The following ASIC2 variants were observed in gnomAD, a reference collection of about 807,000 sequenced individuals.
ASIC2 encodes the protein acid sensing ion channel subunit 2, also known as acid-sensing ion channel 2.
Under a neutral mutation model 57.3 loss-of-function variants are expected in ASIC2, and 25 were observed. That is an observed-to-expected ratio of 0.44 (90% CI 0.32 to 0.61). The LOEUF (loss-of-function observed/expected upper bound fraction) is 0.61, where lower values mean the gene tolerates loss of function less well. ASIC2 is among the 20% of genes least tolerant of loss of function. ASIC2 has a pLI of 0.06. For synonymous variants in ASIC2, 319 were observed against 307.5 expected, an observed-to-expected ratio of 1.04 and a Z score of -0.39; for missense variants, 641 against 738.1, an observed-to-expected ratio of 0.87 and a Z score of 1.52.
At chr17:33,046,577 C>T (rs1302257597) in intron 3 of ASIC2, among the ~76,000 whole-genome samples, 1 of 152,052 alleles carries the variant, frequency 6.6e-6, no homozygotes, top group Non-Finnish European at 1.5e-5. Flanking sequence ...CTGGCCTCTG[C>T]AGCCCGCCTG....
intron 1 of ASIC2, among the ~76,000 whole-genome samples, chr17:33,755,636 T>G (rs564421808): frequency 6.6e-6 from 1 of 152,336 alleles, no homozygotes; most frequent in South Asian, 2.1e-4. Flanking sequence ...AACACTGTGC[T>G]CTGTTTGGGA....
At chr17:33,587,239 C>G (rs2069663984) in intron 1 of ASIC2, among the ~76,000 whole-genome samples, 1 of 152,196 alleles carries the variant, frequency 6.6e-6, no homozygotes, top group African/African-American at 2.4e-5. Context: ...TGATCCTTTA[C>G]AGAAAATGTT....
chr17:33,965,886 G>C (rs1178099418), intron 1 of ASIC2, among the ~76,000 whole-genome samples: 2 of 152,194 alleles, frequency 1.3e-5, no homozygotes, highest in Admixed American at 6.5e-5. Flanking sequence ...CCAGGGAAGG[G>C]ACTAGCCCAA....
intron 1 of ASIC2, among the ~76,000 whole-genome samples, chr17:33,178,303 T>C (rs1354356769): frequency 6.6e-6 from 1 of 152,074 alleles, no homozygotes; most frequent in East Asian, 1.9e-4. Flanking sequence ...AAAATATGAC[T>C]GTCATACAAA....
chr17:33,567,776 T>G (rs1436542343), intron 1 of ASIC2, among the ~76,000 whole-genome samples: 1 of 151,976 alleles, frequency 6.6e-6, no homozygotes, highest in East Asian at 1.9e-4. Flanking sequence ...GGTCAAGAGC[T>G]GGGTTAGGAC....
intron 1 of ASIC2, among the ~76,000 whole-genome samples, chr17:33,545,935 G>T (rs1374297642): frequency 6.6e-6 from 1 of 152,014 alleles, no homozygotes; most frequent in East Asian, 1.9e-4. Flanking sequence ...CTCCAAACGT[G>T]CCTTGGACTT....
chr17:33,555,971 C>T (rs1915896188), intron 1 of ASIC2, among the ~76,000 whole-genome samples: 1 of 152,166 alleles, frequency 6.6e-6, no homozygotes, highest in Non-Finnish European at 1.5e-5. Context: ...CGAAGGCTAC[C>T]AGGAAGGATC....
intron 1 of ASIC2, among the ~76,000 whole-genome samples, chr17:33,851,342 G>A (rs921273551): frequency 1.3e-5 from 2 of 152,068 alleles, no homozygotes; most frequent in South Asian, 4.1e-4. Flanking sequence ...TAAAGACCAT[G>A]AGGCTGGGGG....
intron 3 of ASIC2, among the ~76,000 whole-genome samples, chr17:33,082,723 A>AATAC (rs1473503120): frequency 4.2e-4 from 64 of 151,406 alleles, no homozygotes; most frequent in Admixed American, 2.0e-3. Flanking sequence ...TAAATAAATA[A>AATAC]ATAAATAAAT....
intron 1 of ASIC2, among the ~76,000 whole-genome samples, chr17:33,299,570 A>C: frequency 6.6e-6 from 1 of 151,476 alleles, no homozygotes; most frequent in Non-Finnish European, 1.5e-5. Flanking sequence ...GCCTCACCTA[A>C]TTCTCTCTTT....
At chr17:34,044,552 C>A (rs1430335287) in intron 1 of ASIC2, among the ~76,000 whole-genome samples, 1 of 152,152 alleles carries the variant, frequency 6.6e-6, no homozygotes, top group Non-Finnish European at 1.5e-5. Context: ...TCAATTTCTG[C>A]AGCTTGACCC....
chr17:33,099,585 A>G (rs1228114118), intron 2 of ASIC2, among the ~76,000 whole-genome samples: 1 of 152,198 alleles, frequency 6.6e-6, no homozygotes, highest in Non-Finnish European at 1.5e-5. Flanking sequence ...GGGTAGTCTC[A>G]TTACCAAAAG....
chr17:34,131,085 C>A (rs915112370), intron 1 of ASIC2, among the ~76,000 whole-genome samples: 1 of 151,738 alleles, frequency 6.6e-6, no homozygotes, highest in South Asian at 2.1e-4. Flanking sequence ...ATAGTAGGAA[C>A]AAAGCTGAGG....
At position 34,099,158 on chromosome 17, in the gene ASIC2, GAGAGAGAAAGAAAGAAAGAAAGAAAGAA is replaced by G. The variant is rs1910686958; in HGVS notation, c.555+56792_555+56819del. The stretch of plus-strand genomic sequence containing the variant: ...AGAGAGAGAGAGACAGAGAGAGAGA[GAGAGAGAAAGAAAGAAAGAAAGAAAGAA>G]AGAAAGAAAGAAAGAAAGAAAGAAA... On this transcript the variant is annotated intron_variant, in intron 1 of 9. Transcript: ENST00000359872. Among the ~76,000 whole-genome samples, 5 of 28,888 alleles carry G rather than the reference GAGAGAGAAAGAAAGAAAGAAAGAAAGAA, an allele frequency of 1.7e-4. 1 individual carries two copies. The highest frequency in any genetic ancestry group is 6.1e-4 in the Admixed American group (1 of 1,628). 19.0% of individuals were successfully genotyped at this position (28,888 alleles called of 152,430 possible).
chr17:33,075,897 A>G (rs185168332), intron 3 of ASIC2, among the ~76,000 whole-genome samples: 1 of 152,332 alleles, frequency 6.6e-6, no homozygotes, highest in East Asian at 1.9e-4. Context: ...CAGCCCAGAA[A>G]CTGAGGGCAT....
At chr17:33,657,235 C>T (rs1907103848) in intron 1 of ASIC2, among the ~76,000 whole-genome samples, 2 of 152,330 alleles carry the variant, frequency 1.3e-5, no homozygotes, top group Admixed American at 6.5e-5. Context: ...CCAAACCCCC[C>T]ATCCTGGGCT....
intron 3 of ASIC2, among the ~76,000 whole-genome samples, chr17:33,067,783 C>T (rs1007650993): frequency 6.6e-6 from 1 of 152,150 alleles, no homozygotes; most frequent in African/African-American, 2.4e-5. Context: ...AGAAGTGAAT[C>T]CTCATGGCTA....
chr17:34,156,638 G>C lies in ASIC2; in HGVS notation c.-106C>G, dbSNP rs1904735384. ...AACCTTGACGTTCAGGGGAGAGAAC[G>C]CAAGGCAAGCATCGCGCCAGATGCT... On this transcript the variant is annotated 5_prime_UTR_variant, in exon 1 of 10. Transcript: ENST00000359872. The surrounding 1 kb of genome is among the most constrained non-coding windows in gnomAD (Gnocchi z 4.4). 8.3e-7 allele frequency: 1 copy of C among 1,201,102 alleles called. No homozygotes were observed. The highest frequency in any genetic ancestry group is 2.8e-5 in the Admixed American group (1 of 35,856). 74.4% of individuals were successfully genotyped at this position (1,201,102 alleles called of 1,614,324 possible). A position where few individuals can be genotyped will look rare whatever the true frequency, so the allele number is the denominator to read the frequency against.
intron 1 of ASIC2, among the ~76,000 whole-genome samples, chr17:33,382,997 C>T (rs1021892): frequency 0.098 from 14,882 of 151,298 alleles, 852 homozygotes; most frequent in Non-Finnish European, 0.13. Context: ...AAACTCATTC[C>T]CTGCCCACAG....
Sources: gnomAD v4.1 joint callset for allele counts (sites outside exome capture counted in the v4.1 genomes callset) on GRCh38, gnomAD v4.1.1 for gene constraint, Gnocchi (gnomAD v3.1) non-coding constraint, MANE v1.5 for transcripts, NCBI Gene and HGNC (gene_info 2026-07-23, HGNC 2026-07-21) for gene names.